Variants in BCL2L12 observed in about 807,000 individuals in gnomAD.
BCL2L12 encodes bcl-2-like protein 12.
In BCL2L12, 27 loss-of-function variants were observed where a neutral mutation model predicts 25.7. The ratio of observed to expected loss-of-function variants is 1.05; its 90% confidence interval spans 0.78 to 1.45. The LOEUF (loss-of-function observed/expected upper bound fraction) is 1.45. BCL2L12 is among the 40% of genes most tolerant of loss of function. BCL2L12 has a pLI of 0.00. For synonymous variants in BCL2L12, 132 were observed against 145.6 expected (o/e 0.91, Z 0.67); for missense variants, 302 against 329.8 (o/e 0.92, Z 0.65).
At chr19:49,666,242 C>G (rs1043973966) in intron 1 of BCL2L12, among the ~76,000 whole-genome samples, 175 bp downstream of exon 1, 1 of 152,222 alleles carries the variant, frequency 6.6e-6, no homozygotes, top group Non-Finnish European at 1.5e-5. Context: ...GGCGAAGAAG[C>G]GCGGACCTAG....
In BCL2L12 at chr19:49,673,789, C is replaced by G; in HGVS notation, c.*41C>G. ...CTGCTACAAGATGACACCTCATGTC[C>G]CTGCCCTCTTCGTGTGCTTTTCCAA... On this transcript the variant is annotated 3_prime_UTR_variant, in exon 7 of 7. Transcript: ENST00000246784. The G allele has an allele frequency of 1.2e-6, 2 of 1,609,526 alleles. No individual in the cohort carries two copies. Among genetic ancestry groups the G allele is most frequent in the Non-Finnish European group, 1.7e-6 (2 of 1,175,910 alleles).
intron 6 of BCL2L12, 82 bp from the exon 7 acceptor site, chr19:49,673,616 A>G: frequency 8.3e-7 from 1 of 1,198,910 alleles, no homozygotes; most frequent in Non-Finnish European, 1.2e-6. Context: ...CCCGTCTCTA[A>G]TCTCACAGGG....
chr19:49,669,413 G>A (rs1423496647), intron 5 of BCL2L12, among the ~76,000 whole-genome samples: 2 of 151,946 alleles, frequency 1.3e-5, no homozygotes, highest in Admixed American at 6.6e-5. Context: ...GTGCGCTTCT[G>A]TAATCCCAGC....
chr19:49,668,868 TTC>T lies in BCL2L12; in HGVS notation c.270_271del (p.Phe90LeufsTer51), dbSNP rs2081887345. ...CACCCCAGGCCCAGCTACTCCAGACTTCTATGCTTTGGTGGCCCAGCGGCTGG... is the reference window on the plus strand; with the variant it reads ...CACCCCAGGCCCAGCTACTCCAGACTTATGCTTTGGTGGCCCAGCGGCTGG... ...GLEPGPATPD[F>X]YALVAQRLEQ... On this transcript the variant is annotated frameshift_variant, in exon 4 of 7. Coordinates refer to ENST00000246784, the MANE Select transcript of BCL2L12 (RefSeq NM_138639.2). LOFTEE classifies it high-confidence loss of function. 3 of 1,613,002 alleles carry T rather than the reference TTC, an allele frequency of 1.9e-6. No homozygotes were observed. The highest frequency in any genetic ancestry group is 2.5e-6 in the Non-Finnish European group (3 of 1,179,952).
rs763505634 is a variant in BCL2L12, at chr19:49,666,714, G to C, written c.22G>C (p.Gly8Arg). The C allele has an allele frequency of 9.0e-6, 14 of 1,554,728 alleles. No homozygotes were observed. In the South Asian group the frequency reaches 1.7e-4, roughly 18 times the overall value. MAGSEEL[G>R]LREDTLRVLA... Reference sequence around the variant, plus strand: ...CTCCATGGCAGGCTCTGAAGAGCTGGGGCTCCGGGAAGACACGCTGAGGGT... The same window carrying C: ...CTCCATGGCAGGCTCTGAAGAGCTGCGGCTCCGGGAAGACACGCTGAGGGT... Residue 8 changes from glycine to arginine, a missense_variant, in exon 2 of 7, where the codon GGG (glycine) becomes CGG (arginine). Coordinates refer to ENST00000246784, the MANE Select transcript of BCL2L12 (RefSeq NM_138639.2).
At chr19:49,665,647 G>A (rs1055536238), upstream of BCL2L12, 3 of 768,400 alleles carry the variant, frequency 3.9e-6, no homozygotes, top group East Asian at 5.3e-5. Flanking sequence ...TGGAAGGTCG[G>A]GGCGTGCGGG....
upstream of BCL2L12, chr19:49,665,751 G>A (rs1599894623): frequency 1.3e-6 from 2 of 1,528,318 alleles, no homozygotes; most frequent in Non-Finnish European, 1.8e-6. Flanking sequence ...TAGAGCGCTG[G>A]GGCTTTCTTT....
intron 3 of BCL2L12, 97 bp from the exon 4 acceptor site, chr19:49,668,754 T>C: frequency 8.7e-7 from 1 of 1,146,250 alleles, no homozygotes; most frequent in South Asian, 1.4e-5. Flanking sequence ...ATAAATAAAA[T>C]GGGAATCATT....
chr19:49,670,596 A>G (rs1304289213), intron 6 of BCL2L12, 108 bp downstream of exon 6: 3 of 1,409,618 alleles, frequency 2.1e-6, no homozygotes, highest in Non-Finnish European at 2.8e-6. Flanking sequence ...GTATTCTCCC[A>G]GCTCCACTGC....
Position 49,670,474 on chromosome 19 carries a change from G to T in BCL2L12, c.688G>T (p.Ala230Ser), listed in dbSNP as rs374151478. Residue 230 changes from alanine (A) to serine (S), a missense_variant, in exon 6 of 7, where the codon GCC becomes TCC. Physicochemically the swap from Ala to Ser is moderately conservative, Grantham distance 99 (BLOSUM62 1). Transcript: ENST00000246784. Reference sequence around the variant, plus strand: ...GCACAGCTTCACGCCCTGGATCCAGGCCCACGGGGGCTGGGTGAGCCGCTG... The same window carrying T: ...GCACAGCTTCACGCCCTGGATCCAGTCCCACGGGGGCTGGGTGAGCCGCTG... ...HVHSFTPWIQ[A>S]HGGWEGILAV... 9.9e-5 allele frequency: 152 copies of T among 1,535,828 alleles called. 1 individual carries two copies. In the African/African-American group the frequency reaches 1.9e-3, roughly 19 times the overall value.
Position 49,670,316 on chromosome 19 carries a change from G to T in BCL2L12, c.530G>T (p.Arg177Leu), listed in dbSNP as rs2081931404. 1.9e-6 allele frequency: 3 copies of T among 1,607,008 alleles called. No individual in the cohort carries two copies. Among genetic ancestry groups the T allele is most frequent in the South Asian group, 1.1e-5 (1 of 90,354 alleles). The change falls in exon 6 of 7, where the codon CGC (arginine) becomes CTC (leucine). Residue 177 changes from arginine to leucine, a missense_variant. Physicochemically the swap from Arg to Leu is moderately radical, Grantham distance 102 (BLOSUM62 -2). Transcript: ENST00000246784. Reference protein sequence around the residue: ...ELFCSRDDSSRPSRACPGPPP... With the variant: ...ELFCSRDDSSLPSRACPGPPP... The stretch of plus-strand genomic sequence containing the variant: ...TTCTGTAGCCGGGATGACAGCTCTC[G>T]CCCAAGCCGAGCATGCCCCGGGCCC...
upstream of BCL2L12, chr19:49,665,823 GATGGGA>G: frequency 6.3e-7 from 1 of 1,587,608 alleles, no homozygotes; most frequent in Non-Finnish European, 8.6e-7. Context: ...CCCAAAAGCC[GATGGGA>G]CGGCCCGCTG....
chr19:49,673,606 C>T, intron 6 of BCL2L12, 92 bp from the exon 7 acceptor site: 2 of 1,102,082 alleles, frequency 1.8e-6, no homozygotes, highest in East Asian at 2.4e-5. Context: ...TCCTCGCCTT[C>T]CCGTCTCTAA....
At chr19:49,670,960 GAC>G (rs1876202358) in intron 6 of BCL2L12, among the ~76,000 whole-genome samples, 1 of 151,860 alleles carries the variant, frequency 6.6e-6, no homozygotes, top group African/African-American at 2.4e-5. Context: ...AGGAGTTTGA[GAC>G]CAGCTGGCCA....
At chr19:49,665,863 T>C (rs748220773), upstream of BCL2L12, 11 of 1,609,948 alleles carry the variant, frequency 6.8e-6, no homozygotes, top group Non-Finnish European at 8.5e-6. Flanking sequence ...CCTATGCCCT[T>C]TTTTGGGTTT....
chr19:49,665,995 A>T lies in BCL2L12; in HGVS notation c.-81A>T, dbSNP rs762932481. ...GCGCAGGCGCGGGAAAGTTGAACTA[A>T]TAAAGTTTGTACGAGTTCAGTGGAG... On this transcript the variant is annotated 5_prime_UTR_variant, in exon 1 of 7. Coordinates refer to ENST00000246784, the MANE Select transcript of BCL2L12 (RefSeq NM_138639.2). 1.2e-6 allele frequency: 2 copies of T among 1,605,394 alleles called. No homozygotes were observed. Among genetic ancestry groups the T allele is most frequent in the Non-Finnish European group, 1.7e-6 (2 of 1,175,348 alleles).
In BCL2L12 at chr19:49,666,929, G is replaced by A. The variant is rs867309087; in HGVS notation, c.108-90G>A. 1.4e-5 allele frequency: 21 copies of A among 1,543,914 alleles called. No individual in the cohort carries two copies. The Middle Eastern group carries it at 5.1e-4, about 37-fold the overall frequency. The stretch of plus-strand genomic sequence containing the variant: ...CTCTGTCTTTGGGGTTTTGGAGAGA[G>A]GTCCTCAGCGGGGGAGGGAGGGAGT... On this transcript the variant is annotated intron_variant, in intron 2 of 6. Transcript: ENST00000246784.
Position 49,665,980 on chromosome 19 carries a change from G to C in BCL2L12, c.-96G>C, listed in dbSNP as rs746717146. On this transcript the variant is annotated 5_prime_UTR_variant, in exon 1 of 7. Transcript: ENST00000246784. ...TCGACCCGGCCCAGTGCGCAGGCGCGGGAAAGTTGAACTAATAAAGTTTGT... is the reference window on the plus strand; with the variant it reads ...TCGACCCGGCCCAGTGCGCAGGCGCCGGAAAGTTGAACTAATAAAGTTTGT... 1 of 1,611,022 alleles carries C rather than the reference G, an allele frequency of 6.2e-7. No individual in the cohort carries two copies. The highest frequency in any genetic ancestry group is 8.5e-7 in the Non-Finnish European group (1 of 1,178,442).
chr19:49,668,725 A>G (rs2081882391), intron 3 of BCL2L12, 126 bp from the exon 4 acceptor site: 11 of 990,428 alleles, frequency 1.1e-5, no homozygotes, highest in Non-Finnish European at 1.2e-5. Flanking sequence ...GTTTCCCAAA[A>G]TCAATACATA....
Sources: gnomAD v4.1 joint callset for allele counts (sites outside exome capture counted in the v4.1 genomes callset) on GRCh38, gnomAD v4.1.1 for gene constraint, MANE v1.5 for transcripts, NCBI Gene and HGNC (gene_info 2026-07-23, HGNC 2026-07-21) for gene names.